EYA1: variants seen among roughly 807,000 people sequenced by gnomAD.
EYA1 encodes protein phosphatase EYA1.
Under a neutral mutation model 82.0 loss-of-function variants are expected in EYA1, and 16 were observed. The ratio of observed to expected loss-of-function variants is 0.20; its 90% CI spans 0.13 to 0.30. EYA1 has a LOEUF of 0.30. Among genes scored for constraint, EYA1 ranks in the 10% least tolerant of loss-of-function variants. The pLI, the probability that EYA1 is intolerant of heterozygous loss-of-function variation, is 1.00. For synonymous variants in EYA1, 261 were observed against 264.4 expected (o/e 0.99, Z 0.12); for missense variants, 633 against 730.7 (o/e 0.87, Z 1.54).
intron 10 of EYA1, 133 bp from the exon 11 acceptor site, chr8:71,269,956 A>T: frequency 1.4e-6 from 1 of 734,070 alleles, no homozygotes; most frequent in East Asian, 2.7e-5. Flanking sequence ...TTCAAAAAAA[A>T]CACAACTGTT....
At chr8:71,218,518 G>GA (rs370134762) in intron 12 of EYA1, among the ~76,000 whole-genome samples, 4 of 152,174 alleles carry the variant, frequency 2.6e-5, no homozygotes, top group Non-Finnish European at 4.4e-5. Context: ...TTCCAAGGAG[G>GA]AAAAGACTTT....
chr8:71,510,683 A>G (rs564955689), intron 2 of EYA1, among the ~76,000 whole-genome samples: 2 of 152,316 alleles, frequency 1.3e-5, no homozygotes, highest in South Asian at 4.1e-4. Flanking sequence ...ACCTTGACAC[A>G]TAGGGGGTTA....
intron 2 of EYA1, among the ~76,000 whole-genome samples, chr8:71,511,673 C>T (rs1040487582): frequency 7.9e-5 from 12 of 152,120 alleles, no homozygotes; most frequent in Admixed American, 5.9e-4. Flanking sequence ...TGCATATCCA[C>T]AAAGCTGTTA....
intron 9 of EYA1, among the ~76,000 whole-genome samples, chr8:71,286,860 TG>T (rs1284783492): frequency 6.8e-6 from 1 of 146,230 alleles, no homozygotes; most frequent in Non-Finnish European, 1.5e-5. Context: ...TGGAGTGCAG[TG>T]GCACGATCTC....
At chr8:71,277,634 TAATA>T (rs1817355601) in intron 9 of EYA1, among the ~76,000 whole-genome samples, 1 of 152,232 alleles carries the variant, frequency 6.6e-6, no homozygotes, top group South Asian at 2.1e-4. Context: ...TTGTGGTGGA[TAATA>T]AATAATTTGA....
At chr8:71,503,764 A>G (rs2129240398) in intron 2 of EYA1, among the ~76,000 whole-genome samples, 1 of 152,338 alleles carries the variant, frequency 6.6e-6, no homozygotes, top group East Asian at 1.9e-4. Flanking sequence ...TTGCATGCTC[A>G]CTTAAAAAAT....
At chr8:71,446,742 C>T (rs4276716) in intron 2 of EYA1, among the ~76,000 whole-genome samples, 12,438 of 152,194 alleles carry the variant, frequency 0.082, 619 homozygotes, top group East Asian at 0.21. Flanking sequence ...TGCACCTCTG[C>T]AACTCAGATC....
intron 4 of EYA1, among the ~76,000 whole-genome samples, chr8:71,326,424 C>T (rs1254597409): frequency 1.3e-5 from 2 of 150,890 alleles, no homozygotes; most frequent in African/African-American, 2.5e-5. Context: ...TCTCATTTAT[C>T]ACTCTGTTCC....
intron 2 of EYA1, among the ~76,000 whole-genome samples, chr8:71,452,089 A>G (rs1348699514): frequency 6.6e-6 from 1 of 152,218 alleles, no homozygotes; most frequent in Non-Finnish European, 1.5e-5. Context: ...CACTTCTCCA[A>G]TGGCCTTAGC....
intron 2 of EYA1, among the ~76,000 whole-genome samples, chr8:71,452,284 G>A (rs1807453727): frequency 6.6e-6 from 1 of 152,180 alleles, no homozygotes; most frequent in Non-Finnish European, 1.5e-5. Context: ...GCTTGAACTG[G>A]GTGGAGTCCA....
At chr8:71,393,805 G>A (rs2129114870) in intron 2 of EYA1, among the ~76,000 whole-genome samples, 1 of 152,202 alleles carries the variant, frequency 6.6e-6, no homozygotes, top group South Asian at 2.1e-4. Flanking sequence ...TTGGGTATAT[G>A]CCCAATAATG....
intron 2 of EYA1, among the ~76,000 whole-genome samples, chr8:71,406,620 C>A (rs1293633074): frequency 1.3e-5 from 2 of 152,194 alleles, no homozygotes; most frequent in Non-Finnish European, 2.9e-5. Flanking sequence ...GACGGATGCA[C>A]CTGGAAAATC....
intron 1 of EYA1, among the ~76,000 whole-genome samples, chr8:71,536,334 G>A (rs983414752): frequency 6.6e-6 from 1 of 152,112 alleles, no homozygotes; most frequent in Non-Finnish European, 1.5e-5. Flanking sequence ...TTTACCCTTA[G>A]GGCAAGGATA....
chr8:71,236,268 C>T (rs958440213), intron 12 of EYA1, among the ~76,000 whole-genome samples: 23 of 152,050 alleles, frequency 1.5e-4, no homozygotes, highest in African/African-American at 5.1e-4. Context: ...ACTCCCGATC[C>T]CAAGTGATCT....
chr8:71,424,694 G>A (rs1172040027), intron 2 of EYA1, among the ~76,000 whole-genome samples: 1 of 152,126 alleles, frequency 6.6e-6, no homozygotes, highest in Non-Finnish European at 1.5e-5. Context: ...TCTGCACTAT[G>A]GGATCAATGC....
At chr8:71,417,325 A>AG (rs1830907915) in intron 2 of EYA1, among the ~76,000 whole-genome samples, 1 of 152,154 alleles carries the variant, frequency 6.6e-6, no homozygotes, top group East Asian at 1.9e-4. Context: ...CCACAACAGT[A>AG]GGGGGCAATT....
chr8:71,438,767 G>C (rs1261480789), intron 2 of EYA1, among the ~76,000 whole-genome samples: 1 of 152,158 alleles, frequency 6.6e-6, no homozygotes, highest in Non-Finnish European at 1.5e-5. Context: ...ACAGTGAAAA[G>C]CTCCAGGCAG....
intron 4 of EYA1, among the ~76,000 whole-genome samples, chr8:71,331,455 T>G (rs1046666540): frequency 2.0e-5 from 3 of 148,458 alleles, no homozygotes; most frequent in Non-Finnish European, 4.4e-5. Flanking sequence ...TAACTTGGAC[T>G]TTAAAAGTAT....
At chr8:71,533,947 T>C (rs1814497232) in intron 2 of EYA1, among the ~76,000 whole-genome samples, 2 of 152,252 alleles carry the variant, frequency 1.3e-5, no homozygotes, top group African/African-American at 4.8e-5. Context: ...GCAATTAGAT[T>C]GCCCTCTCAT....
Sources: allele counts gnomAD v4.1 joint callset (sites outside exome capture counted in the v4.1 genomes callset), GRCh38; gene constraint gnomAD v4.1.1; transcripts MANE v1.5; gene names NCBI Gene and HGNC (gene_info 2026-07-23, HGNC 2026-07-21).